NAALADL2: variants seen among roughly 807,000 people sequenced by gnomAD.
NAALADL2 encodes inactive N-acetylated-alpha-linked acidic dipeptidase-like protein 2.
A neutral mutation model predicts 87.2 loss-of-function variants in NAALADL2; 76 were observed. That is an observed-to-expected ratio of 0.87 (90% CI 0.72 to 1.05). The LOEUF (loss-of-function observed/expected upper bound fraction) is 1.05. Among genes scored for constraint, NAALADL2 ranks in the 50% least tolerant of loss-of-function variants. The probability of loss-of-function intolerance (pLI) is 0.00; values close to 1 mark genes in which losing one functional copy is unlikely to be tolerated. For synonymous variants in NAALADL2, 354 were observed against 331.0 expected, an observed-to-expected ratio of 1.07 and a Z score of -0.75; for missense variants, 1,089 against 945.8, an observed-to-expected ratio of 1.15 and a Z score of -1.99.
chr3:175,007,318 G>A (rs1272758260), intron 1 of NAALADL2, among the ~76,000 whole-genome samples: 1 of 152,132 alleles, frequency 6.6e-6, no homozygotes, highest in Non-Finnish European at 1.5e-5. Flanking sequence ...AATGGTTGCA[G>A]TTGTGTTGAA....
At chr3:174,609,991 G>A (rs573361481) in intron 2 of NAALADL2, among the ~76,000 whole-genome samples, 5 of 152,126 alleles carry the variant, frequency 3.3e-5, no homozygotes, top group African/African-American at 1.2e-4. Context: ...ACAGAACAGA[G>A]CCCTCAGAAA....
intron 1 of NAALADL2, among the ~76,000 whole-genome samples, chr3:174,904,347 G>A (rs543751609): frequency 9.9e-5 from 15 of 151,898 alleles, no homozygotes; most frequent in African/African-American, 3.4e-4. Flanking sequence ...ATGTTTATAC[G>A]TTCTGTATAT....
At chr3:175,592,900 TA>T (rs1009118727) in intron 10 of NAALADL2, among the ~76,000 whole-genome samples, 11 of 151,032 alleles carry the variant, frequency 7.3e-5, no homozygotes, top group South Asian at 2.1e-4. Flanking sequence ...AATAATAAAA[TA>T]AAAAAAAGAA....
At chr3:174,726,222 A>G (rs549917271) in intron 2 of NAALADL2, among the ~76,000 whole-genome samples, 1 of 152,218 alleles carries the variant, frequency 6.6e-6, no homozygotes, top group Non-Finnish European at 1.5e-5. Flanking sequence ...CATATTTTCA[A>G]CCAAGTGGAA....
At chr3:174,890,544 T>G (rs1051994641) in intron 1 of NAALADL2, among the ~76,000 whole-genome samples, 7 of 152,092 alleles carry the variant, frequency 4.6e-5, no homozygotes, top group African/African-American at 1.4e-4. Flanking sequence ...ACAGAACAAT[T>G]GATAATGAAG....
At chr3:175,664,008 C>T (rs76616186) in intron 11 of NAALADL2, among the ~76,000 whole-genome samples, 7,097 of 151,904 alleles carry the variant, frequency 0.047, 203 homozygotes, top group South Asian at 0.13. Context: ...TTGGGAAAAA[C>T]AAAATGAAGG....
intron 1 of NAALADL2, among the ~76,000 whole-genome samples, chr3:174,508,822 C>T (rs907824923): frequency 1.3e-5 from 2 of 152,036 alleles, no homozygotes; most frequent in Non-Finnish European, 1.5e-5. Flanking sequence ...CCGAGGTGGA[C>T]GGATGTCTTT....
intron 3 of NAALADL2, among the ~76,000 whole-genome samples, chr3:175,254,534 T>C (rs917524031): frequency 6.6e-6 from 1 of 152,156 alleles, no homozygotes; most frequent in Non-Finnish European, 1.5e-5. Context: ...CTGATCTATA[T>C]CCTCCAAAAC....
intron 2 of NAALADL2, among the ~76,000 whole-genome samples, chr3:175,150,214 T>C (rs933904107): frequency 6.6e-6 from 1 of 152,140 alleles, no homozygotes; most frequent in Non-Finnish European, 1.5e-5. Context: ...GTTGCCTCAG[T>C]TTTTCTGTTT....
intron 2 of NAALADL2, among the ~76,000 whole-genome samples, chr3:175,204,489 G>T (rs1740528144): frequency 6.6e-6 from 1 of 152,096 alleles, no homozygotes; most frequent in South Asian, 2.1e-4. Context: ...ACATAATACT[G>T]AATGGGGAAA....
chr3:175,510,105 T>G (rs1310877258), intron 9 of NAALADL2, among the ~76,000 whole-genome samples: 1 of 149,988 alleles, frequency 6.7e-6, no homozygotes, highest in Non-Finnish European at 1.5e-5. Context: ...CGGTGTTTGG[T>G]TTTTTTTTCT....
chr3:175,170,195 T>A (rs1734592953), intron 2 of NAALADL2, among the ~76,000 whole-genome samples: 1 of 151,714 alleles, frequency 6.6e-6, no homozygotes, highest in Admixed American at 6.6e-5. Context: ...AAGTTTAGAA[T>A]AACAATTGCA....
At chr3:175,324,456 G>A (rs1422389394) in intron 5 of NAALADL2, 131 bp downstream of exon 5, 1 of 711,798 alleles carries the variant, frequency 1.4e-6, no homozygotes, top group Admixed American at 3.7e-5. Context: ...ATTTTAAAAA[G>A]CAATTTATTT....
chr3:174,858,372 C>T (rs1392090527), upstream of NAALADL2, among the ~76,000 whole-genome samples: 1 of 151,910 alleles, frequency 6.6e-6, no homozygotes, highest in Non-Finnish European at 1.5e-5. Flanking sequence ...TGCTTTCTCA[C>T]ATACAAATGA....
intron 1 of NAALADL2, among the ~76,000 whole-genome samples, chr3:174,899,812 A>G (rs1468906390): frequency 6.6e-6 from 1 of 152,178 alleles, no homozygotes; most frequent in African/African-American, 2.4e-5. Flanking sequence ...ACGGCCAGAA[A>G]AGAACAATAA....
intron 3 of NAALADL2, among the ~76,000 whole-genome samples, chr3:174,832,752 C>A (rs1722879389): frequency 6.6e-6 from 1 of 152,102 alleles, no homozygotes; most frequent in Admixed American, 6.6e-5. Flanking sequence ...AGGCGTGAGC[C>A]ACTGCACCTG....
chr3:175,103,097 A>T (rs1464040687), intron 2 of NAALADL2, among the ~76,000 whole-genome samples: 1 of 119,622 alleles, frequency 8.4e-6, no homozygotes, highest in African/African-American at 3.5e-5. Context: ...GCAGAGCGAG[A>T]CTCCGTCTCA....
rs1328948751 is a variant in NAALADL2, at chr3:174,514,888, G to C, written c.-183-35681G>C. Among the ~76,000 whole-genome samples the C allele has an allele frequency of 2.0e-5, 3 of 151,928 alleles. No homozygotes were observed. In the South Asian group the frequency reaches 6.3e-4, roughly 32 times the overall value. On this transcript the variant is annotated intron_variant, in intron 1 of 3. Transcript: ENST00000434257. ...GTCACCATTAGTAAATTACTACACT[G>C]GGTACCCGAGGCTGGTCAAAAGAAA...
intron 2 of NAALADL2, among the ~76,000 whole-genome samples, chr3:175,181,416 T>C (rs1736446019): frequency 6.6e-6 from 1 of 151,770 alleles, no homozygotes; most frequent in Non-Finnish European, 1.5e-5. Flanking sequence ...ATGCTTATCA[T>C]TTATTCCTCT....
Sources: gnomAD v4.1 joint callset for allele counts (sites outside exome capture counted in the v4.1 genomes callset) on GRCh38, gnomAD v4.1.1 for gene constraint, MANE v1.5 for transcripts, NCBI Gene and HGNC (gene_info 2026-07-23, HGNC 2026-07-21) for gene names.